Variants in ZBBX observed in about 807,000 individuals in gnomAD.
ZBBX encodes zinc finger B-box domain containing, also known as zinc finger B-box domain-containing protein 1.
In ZBBX, 101 loss-of-function variants were observed where a neutral mutation model predicts 108.5. The observed-to-expected ratio is 0.93, with a 90% CI of 0.79 to 1.10. The LOEUF (loss-of-function observed/expected upper bound fraction) is 1.10. ZBBX is among the 50% of genes least tolerant of loss of function. The pLI is 0.00. For synonymous variants in ZBBX, 356 were observed against 323.4 expected, an observed-to-expected ratio of 1.10 and a Z score of -1.08; for missense variants, 1,009 against 941.4, an observed-to-expected ratio of 1.07 and a Z score of -0.94.
intron 1 of ZBBX, among the ~76,000 whole-genome samples, chr3:167,404,195 T>A (rs949474988): frequency 6.6e-6 from 1 of 152,116 alleles, no homozygotes; most frequent in Non-Finnish European, 1.5e-5. Flanking sequence ...AAGAGATATT[T>A]CATAATGATA....
At chr3:167,256,604 C>T (rs1723567974) in intron 20 of ZBBX, among the ~76,000 whole-genome samples, 1 of 131,586 alleles carries the variant, frequency 7.6e-6, no homozygotes, top group Non-Finnish European at 1.6e-5. Context: ...CTCCACCCCA[C>T]CCCACCCCAC....
chr3:167,340,297 C>A (rs1740317464), intron 9 of ZBBX, among the ~76,000 whole-genome samples: 1 of 152,018 alleles, frequency 6.6e-6, no homozygotes, highest in African/African-American at 2.4e-5. Context: ...CTACATCAAG[C>A]AGGTACTAGT....
chr3:167,226,598 C>T, the ZBBX span, among the ~76,000 whole-genome samples: 4 of 151,644 alleles, frequency 2.6e-5, no homozygotes, highest in Non-Finnish European at 4.4e-5. Context: ...AATCTTCTTA[C>T]GTTCCTAGAA....
intron 16 of ZBBX, among the ~76,000 whole-genome samples, chr3:167,313,657 G>A (rs1734970809): frequency 6.6e-6 from 1 of 152,014 alleles, no homozygotes; most frequent in African/African-American, 2.4e-5. Flanking sequence ...AAAATATTTA[G>A]TGCAAGTGAG....
intron 20 of ZBBX, among the ~76,000 whole-genome samples, chr3:167,274,657 T>C (rs1338402094): frequency 6.6e-6 from 1 of 152,214 alleles, no homozygotes; most frequent in East Asian, 1.9e-4. Flanking sequence ...CCGTCAGTTC[T>C]AATCAATAAC....
the ZBBX span, among the ~76,000 whole-genome samples, chr3:167,185,912 T>C: frequency 6.6e-6 from 1 of 152,116 alleles, no homozygotes; most frequent in South Asian, 2.1e-4. Context: ...ATTAATTTTA[T>C]TAGCATTATA....
At chr3:167,347,108 GTCAC>G (rs1471542205) in intron 9 of ZBBX, among the ~76,000 whole-genome samples, 3 of 151,852 alleles carry the variant, frequency 2.0e-5, no homozygotes, top group Non-Finnish European at 2.9e-5. Context: ...ACAGGCATGA[GTCAC>G]TCACACATAG....
At position 167,350,468 on chromosome 3, in the gene ZBBX, T is replaced by A. The variant is rs4619784; in HGVS notation, c.480A>T (p.Lys160Asn). The change falls in exon 9 of 22, where the codon AAA (lysine) becomes AAT (asparagine). Residue 160 changes from lysine (K) to asparagine (N), a missense_variant. Lys to Asn is a moderately conservative substitution (Grantham distance 94). Coordinates refer to ENST00000675490, the MANE Select transcript of ZBBX (RefSeq NM_001199201.2). ...GEDYCSGCFA[K>N]VHQKGALKLH... The stretch of plus-strand genomic sequence containing the variant: ...GCTTTAGTGCCCCTTTCTGGTGAAC[T>A]TTAGCAAAGCATCCTGAACAATAAT... 622,207 of 1,593,266 alleles carry A rather than the reference T, an allele frequency of 0.39. 126,814 individuals are homozygous for A. The highest frequency in any genetic ancestry group is 0.42 in the Non-Finnish European group (484,877 of 1,167,060).
chr3:167,311,988 T>A (rs2108267201), intron 16 of ZBBX, among the ~76,000 whole-genome samples: 1 of 152,302 alleles, frequency 6.6e-6, no homozygotes, highest in African/African-American at 2.4e-5. Flanking sequence ...TACATGAATA[T>A]TTATAGTAGT....
At chr3:167,256,325 G>A (rs75994115) in intron 20 of ZBBX, among the ~76,000 whole-genome samples, 5,401 of 152,038 alleles carry the variant, frequency 0.036, 313 homozygotes, top group African/African-American at 0.12. Context: ...TTAAATTGTT[G>A]TGGGCACATA....
At chr3:167,259,738 C>T (rs1027201960) in intron 20 of ZBBX, among the ~76,000 whole-genome samples, 1 of 152,102 alleles carries the variant, frequency 6.6e-6, no homozygotes, top group African/African-American at 2.4e-5. Context: ...TAATCCAGTG[C>T]TCACTCAGGA....
At chr3:167,287,530 A>G (rs1729916623) in intron 19 of ZBBX, among the ~76,000 whole-genome samples, 1 of 152,168 alleles carries the variant, frequency 6.6e-6, no homozygotes, top group Admixed American at 6.5e-5. Flanking sequence ...TTTGTTTTGT[A>G]TAAACAGTGT....
At chr3:167,376,492 AAAATAATCT>A (rs939279944) in intron 2 of ZBBX, among the ~76,000 whole-genome samples, 20 of 152,218 alleles carry the variant, frequency 1.3e-4, no homozygotes, top group African/African-American at 4.8e-4. Flanking sequence ...TCTGATTATT[AAAATAATCT>A]AAATAATCTA....
At chr3:167,201,822 G>A in the ZBBX span, among the ~76,000 whole-genome samples, 3 of 151,944 alleles carry the variant, frequency 2.0e-5, no homozygotes, top group South Asian at 2.1e-4. Flanking sequence ...ATTGCCTGAC[G>A]GGATGGAAAA....
intron 12 of ZBBX, among the ~76,000 whole-genome samples, 193 bp from the exon 13 acceptor site, chr3:167,317,790 C>T (rs1485223297): frequency 6.6e-6 from 1 of 151,812 alleles, no homozygotes; most frequent in Non-Finnish European, 1.5e-5. Context: ...CTGTGTAAAT[C>T]AACTTGACAT....
intron 20 of ZBBX, among the ~76,000 whole-genome samples, chr3:167,251,493 C>A (rs1466532455): frequency 1.3e-5 from 2 of 152,138 alleles, no homozygotes; most frequent in Non-Finnish European, 2.9e-5. Flanking sequence ...GAGGTTTGAG[C>A]AGTGGGGTAC....
chr3:167,193,005 G>T, the ZBBX span, among the ~76,000 whole-genome samples: 79 of 152,186 alleles, frequency 5.2e-4, no homozygotes, highest in Admixed American at 2.2e-3. Flanking sequence ...AGGAGGTCAT[G>T]GTTTCCTGCT....
chr3:167,178,551 T>G, the ZBBX span, among the ~76,000 whole-genome samples: 5 of 152,152 alleles, frequency 3.3e-5, no homozygotes, highest in Non-Finnish European at 7.4e-5. Flanking sequence ...TGGCTGCAAC[T>G]GGGGGATCCT....
chr3:167,313,823 T>C lies in ZBBX; in HGVS notation c.1417+151A>G, dbSNP rs191822713. ...TTGTCCATTGACTAAATTGCATATT[T>C]ACTAGAAAATTATATTTTCAACTAA... On this transcript the variant is annotated intron_variant, in intron 16 of 21. Coordinates refer to ENST00000675490, the MANE Select transcript of ZBBX (RefSeq NM_001199201.2). The C allele has an allele frequency of 2.3e-4, 152 of 674,382 alleles. 1 individual carries two copies. The African/African-American group carries it at 2.6e-3, about 12-fold the overall frequency. 41.8% of individuals were successfully genotyped at this position (674,382 alleles called of 1,614,324 possible).
Sources: allele counts gnomAD v4.1 joint callset (sites outside exome capture counted in the v4.1 genomes callset), GRCh38; gene constraint gnomAD v4.1.1; transcripts MANE v1.5; gene names NCBI Gene and HGNC (gene_info 2026-07-23, HGNC 2026-07-21).